Variants in HEATR4 observed in about 807,000 individuals in gnomAD.
The protein encoded by HEATR4 is HEAT repeat-containing protein 4.
A neutral mutation model predicts 108.8 loss-of-function variants in HEATR4; 95 were observed. The ratio of observed to expected loss-of-function variants is 0.87; its 90% CI spans 0.74 to 1.04. HEATR4 has a LOEUF of 1.04. Ranked by LOEUF, HEATR4 falls within the 50% of genes least tolerant of loss-of-function variation. HEATR4 has a pLI of 0.00. For synonymous variants in HEATR4, 443 were observed against 459.4 expected, an observed-to-expected ratio of 0.96 and a Z score of 0.46; for missense variants, 1,152 against 1,253.8, an observed-to-expected ratio of 0.92 and a Z score of 1.23.
the HEATR4 span, among the ~76,000 whole-genome samples, chr14:73,584,122 CG>C: frequency 6.6e-6 from 1 of 151,652 alleles, no homozygotes; most frequent in Non-Finnish European, 1.5e-5. Flanking sequence ...TGCTCACTTC[CG>C]AAAGGTAAAG....
rs1888046360 is a variant in HEATR4 at position 73,522,648 on chromosome 14, AG to A, written c.504del (p.Cys169AlafsTer13). The A allele has an allele frequency of 1.2e-6, 2 of 1,614,092 alleles. No individual in the cohort carries two copies. The highest frequency in any genetic ancestry group is 3.3e-5 in the Admixed American group (2 of 60,008). On this transcript the variant is annotated frameshift_variant, in exon 3 of 18. Transcript: ENST00000553558. LOFTEE classifies it high-confidence loss of function. Reference sequence around the variant, plus strand: ...CGACCCAGCATATCTGGATGCATGCAGGGATGATGGATGAGAGGGCGGGGTG... The same window carrying A: ...CGACCCAGCATATCTGGATGCATGCAGGATGATGGATGAGAGGGCGGGGTG... ...REAPRPLIHH[P>X]CMHPDMLGRP...
At chr14:73,484,295 C>A (rs147032824) in intron 17 of HEATR4, among the ~76,000 whole-genome samples, 20 of 152,034 alleles carry the variant, frequency 1.3e-4, no homozygotes, top group South Asian at 2.1e-4. Context: ...CAAGACTCAG[C>A]CAATTTGTTC....
chr14:73,534,440 C>G lies in HEATR4; in HGVS notation c.-151-4196G>C, dbSNP rs560883610. ...GAGTGTAGTGGCTCTTGCCTATAAT[C>G]CCAACACTCAGGGAGGCCAAGGTGG... On this transcript the variant is annotated intron_variant, in intron 1 of 17. Coordinates refer to ENST00000553558, the MANE Select transcript of HEATR4 (RefSeq NM_001220484.1). Among the ~76,000 whole-genome samples the G allele has an allele frequency of 2.4e-4, 26 of 109,378 alleles. 5 individuals carry two copies. Among genetic ancestry groups the G allele is most frequent in the African/African-American group, 7.7e-4 (26 of 33,594 alleles). The allele number at this position is 109,378 out of a possible 152,430, so 71.8% of individuals were successfully genotyped here.
chr14:73,521,574 A>G (rs930798530), intron 3 of HEATR4, among the ~76,000 whole-genome samples: 2 of 152,258 alleles, frequency 1.3e-5, no homozygotes, highest in African/African-American at 4.8e-5. Flanking sequence ...GAATAAATAA[A>G]TGGATTTCCA....
chr14:73,530,056 A>G (rs1194281868), intron 2 of HEATR4, 110 bp downstream of exon 2: 4 of 135,658 alleles, frequency 2.9e-5, no homozygotes, highest in Non-Finnish European at 6.4e-5. Flanking sequence ...CTTGCCTCCC[A>G]GGCTCAAGCA....
Position 73,522,712 on chromosome 14 carries a change from C to T in HEATR4, c.441G>A (p.Lys147=). ...KTESSANPEK[K]LKKSKPASTV... ...TGCTGGCTGGCTTTGATTTCTTCAG[C>T]TTCTTTTCGGGATTGGCAGAGCTTT... Residue 147 remains lysine (K), a synonymous_variant, in exon 3 of 18, where the codon AAG becomes AAA. Transcript: ENST00000553558. 1 of 1,614,246 alleles carries T rather than the reference C, an allele frequency of 6.2e-7. No individual in the cohort carries two copies. The highest frequency in any genetic ancestry group is 1.1e-5 in the South Asian group (1 of 91,092).
the HEATR4 span, among the ~76,000 whole-genome samples, chr14:73,631,186 CT>C: frequency 6.6e-6 from 1 of 152,180 alleles, no homozygotes; most frequent in Non-Finnish European, 1.5e-5. Flanking sequence ...ATACATACCC[CT>C]CTTCCTTGAC....
At chr14:73,516,710 G>T (rs1887621629) in intron 5 of HEATR4, among the ~76,000 whole-genome samples, 1 of 152,168 alleles carries the variant, frequency 6.6e-6, no homozygotes, top group Non-Finnish European at 1.5e-5. Flanking sequence ...GGATGTGAGT[G>T]GTGGGTGGGC....
At chr14:73,595,687 A>C in the HEATR4 span, 1 of 1,507,970 alleles carries the variant, frequency 6.6e-7, no homozygotes. Flanking sequence ...GAGAGATTCA[A>C]GATCAGATTC....
chr14:73,608,027 C>G, the HEATR4 span, among the ~76,000 whole-genome samples: 1 of 151,992 alleles, frequency 6.6e-6, no homozygotes, highest in African/African-American at 2.4e-5. Context: ...TGGGTTCAAG[C>G]GATTCGCCTG....
At chr14:73,564,725 TTTG>T in the HEATR4 span, among the ~76,000 whole-genome samples, 4,667 of 75,608 alleles carry the variant, frequency 0.062, 447 homozygotes, top group East Asian at 0.37. Context: ...TTTTCTGTTT[TTTG>T]TTTTTTTTTT....
chr14:73,489,789 T>A (rs946778414), intron 17 of HEATR4, among the ~76,000 whole-genome samples: 2 of 152,160 alleles, frequency 1.3e-5, no homozygotes, highest in African/African-American at 4.8e-5. Flanking sequence ...ATATCAAGAA[T>A]GCAAGTAGAG....
chr14:73,592,063 G>C, the HEATR4 span: 10 of 1,478,584 alleles, frequency 6.8e-6, no homozygotes, highest in Non-Finnish European at 9.0e-6. Flanking sequence ...GTTACGCTGC[G>C]CGCGTCCCTG....
At chr14:73,623,851 T>A in the HEATR4 span, among the ~76,000 whole-genome samples, 1 of 151,996 alleles carries the variant, frequency 6.6e-6, no homozygotes, top group African/African-American at 2.4e-5. Context: ...CTTCCCCTCT[T>A]TCCTGCTTCT....
At chr14:73,606,315 C>A in the HEATR4 span, among the ~76,000 whole-genome samples, 2 of 151,840 alleles carry the variant, frequency 1.3e-5, no homozygotes, top group Non-Finnish European at 2.9e-5. Context: ...GAGATCCTGC[C>A]ATTGCACTCC....
At chr14:73,560,989 A>C (rs1453359255), upstream of HEATR4, among the ~76,000 whole-genome samples, 1 of 152,112 alleles carries the variant, frequency 6.6e-6, no homozygotes, top group Non-Finnish European at 1.5e-5. Flanking sequence ...AAACGGTGGA[A>C]AGAACCCAAA....
chr14:73,562,166 A>T (rs1033308334), upstream of HEATR4, among the ~76,000 whole-genome samples: 1 of 151,932 alleles, frequency 6.6e-6, no homozygotes, highest in African/African-American at 2.4e-5. Context: ...GGCAGTGGGG[A>T]ATAAGGAGTT....
intron 7 of HEATR4, among the ~76,000 whole-genome samples, chr14:73,510,163 G>C (rs908354826): frequency 6.6e-6 from 1 of 151,726 alleles, no homozygotes; most frequent in Admixed American, 6.6e-5. Flanking sequence ...CCCCAGCTGA[G>C]CCTTTATATT....
chr14:73,537,344 G>A, intron 1 of HEATR4: 2 of 1,159,212 alleles, frequency 1.7e-6, no homozygotes. Context: ...ACGGCAGCCC[G>A]AGAGGAAGAG....
Sources: gnomAD v4.1 joint callset for allele counts (sites outside exome capture counted in the v4.1 genomes callset) on GRCh38, gnomAD v4.1.1 for gene constraint, MANE v1.5 for transcripts, NCBI Gene and HGNC (gene_info 2026-07-23, HGNC 2026-07-21) for gene names.